FANCB: variants seen among roughly 807,000 people sequenced by gnomAD.
The protein encoded by FANCB is FA complementation group B.
FANCB carries 5 observed loss-of-function variants against 38.9 expected under a neutral mutation model. The observed-to-expected ratio is 0.13, with a 90% confidence interval of 0.07 to 0.27. The LOEUF is 0.27. Ranked by LOEUF, FANCB falls within the 10% of genes least tolerant of loss-of-function variation. The probability of loss-of-function intolerance (pLI) is 1.00; values close to 1 mark genes in which losing one functional copy is unlikely to be tolerated. For synonymous variants in FANCB, 236 were observed against 215.4 expected, an observed-to-expected ratio of 1.10 and a Z score of -0.84; for missense variants, 573 against 602.7, an observed-to-expected ratio of 0.95 and a Z score of 0.52.
At chrX:14,715,785 C>T in the FANCB span, among the ~76,000 whole-genome samples, 2 of 111,319 alleles carry the variant, frequency 1.8e-5, no homozygotes, top group African/African-American at 6.5e-5. Flanking sequence ...CATGGGGGTC[C>T]TTGAATGTCA....
At chrX:14,822,832 T>G in the FANCB span, among the ~76,000 whole-genome samples, 1 of 111,547 alleles carries the variant, frequency 9.0e-6, no homozygotes, top group East Asian at 2.8e-4. Flanking sequence ...TTTGCTTCCC[T>G]CTAATGGTTC....
At position 14,864,591 on chromosome X, in the gene FANCB, T is replaced by C; in HGVS notation, c.920A>G (p.Asn307Ser). The change falls in exon 3 of 10, where the codon AAT (asparagine) becomes AGT (serine). Residue 307 changes from asparagine (N) to serine (S), a missense_variant. Coordinates refer to ENST00000650831, the MANE Select transcript of FANCB (RefSeq NM_001018113.3). ...GCTCTCTTTCCATACAGCACAAGCA[T>C]TATTGGATATAAAGGATACAACGAA... The part of the protein sequence containing the change: ...LFFVVSFISN[N>S]ACAVWKESFQ... The C allele has an allele frequency of 1.7e-6, 2 of 1,195,949 alleles. No individual in the cohort carries two copies. Among genetic ancestry groups the C allele is most frequent in the Non-Finnish European group, 2.3e-6 (2 of 881,059 alleles).
the FANCB span, among the ~76,000 whole-genome samples, chrX:14,784,792 A>G: frequency 1.8e-5 from 2 of 112,077 alleles, no homozygotes; most frequent in Non-Finnish European, 3.8e-5. Context: ...GACTGGATAA[A>G]GAAAATGTGG....
chrX:14,790,880 G>A, the FANCB span, among the ~76,000 whole-genome samples: 7 of 111,022 alleles, frequency 6.3e-5, no homozygotes, highest in Middle Eastern at 4.2e-3. Flanking sequence ...AGTGGGGTGG[G>A]GGTTGTAGCA....
the FANCB span, among the ~76,000 whole-genome samples, chrX:14,743,662 G>C: frequency 1.9e-5 from 2 of 103,526 alleles, no homozygotes; most frequent in African/African-American, 7.1e-5. Flanking sequence ...ATGAGCTTTT[G>C]AGGTCACTGT....
At chrX:14,786,701 C>T in the FANCB span, among the ~76,000 whole-genome samples, 1 of 110,814 alleles carries the variant, frequency 9.0e-6, no homozygotes, top group Admixed American at 9.6e-5. Flanking sequence ...AGGCAAGAAG[C>T]AGATTGGGGT....
chrX:14,811,713 T>C, the FANCB span, among the ~76,000 whole-genome samples: 3 of 111,408 alleles, frequency 2.7e-5, no homozygotes, highest in African/African-American at 9.8e-5. Context: ...CATATAATAA[T>C]GGGACACTTT....
chrX:14,733,401 G>C, the FANCB span, among the ~76,000 whole-genome samples: 85 of 111,897 alleles, frequency 7.6e-4, no homozygotes, highest in Non-Finnish European at 1.3e-3. Flanking sequence ...TTCTAATTCT[G>C]TGAAGAAAGT....
chrX:14,698,615 T>C, the FANCB span, among the ~76,000 whole-genome samples: 4 of 96,681 alleles, frequency 4.1e-5, no homozygotes, highest in Non-Finnish European at 4.0e-5. Context: ...GAGGTGGAGA[T>C]TGCAGTGAGC....
the FANCB span, among the ~76,000 whole-genome samples, chrX:14,819,076 T>A: frequency 8.9e-6 from 1 of 112,508 alleles, no homozygotes; most frequent in Non-Finnish European, 1.9e-5. Flanking sequence ...AATTAACTAA[T>A]AGTAATTCAA....
At chrX:14,760,359 A>G in the FANCB span, among the ~76,000 whole-genome samples, 1 of 111,888 alleles carries the variant, frequency 8.9e-6, no homozygotes, top group Non-Finnish European at 1.9e-5. Context: ...TTGATCTCAT[A>G]GAAGTAGAGA....
At chrX:14,783,546 A>T in the FANCB span, among the ~76,000 whole-genome samples, 1 of 112,201 alleles carries the variant, frequency 8.9e-6, no homozygotes, top group Non-Finnish European at 1.9e-5. Flanking sequence ...CCATAATCAG[A>T]TTCTAGCATG....
the FANCB span, among the ~76,000 whole-genome samples, chrX:14,712,063 G>C: frequency 8.9e-6 from 1 of 112,802 alleles, no homozygotes; most frequent in Non-Finnish European, 1.9e-5. Context: ...ATGCCATCTA[G>C]CTTTCCTTCA....
chrX:14,865,637 C>T lies in FANCB; in HGVS notation c.-70-57G>A, dbSNP rs1486028020. On this transcript the variant is annotated intron_variant, in intron 2 of 9. Coordinates refer to ENST00000650831, the MANE Select transcript of FANCB (RefSeq NM_001018113.3). ...AGTAGGAAGGGTTGAAAAGAAAACACGTTTCTGTTAGAGAACTACAACATA... is the reference window on the plus strand; with the variant it reads ...AGTAGGAAGGGTTGAAAAGAAAACATGTTTCTGTTAGAGAACTACAACATA... 9.1e-5 allele frequency: 46 copies of T among 503,281 alleles called. No individual in the cohort carries two copies. In the East Asian group the frequency reaches 1.5e-3, roughly 16 times the overall value. The allele number at this position is 503,281 out of a possible 1,213,427, so 41.5% of individuals were successfully genotyped here. A position where few individuals can be genotyped will look rare whatever the true frequency, so the allele number is the denominator to read the frequency against.
At position 14,870,828 on chromosome X, in the gene FANCB, C is replaced by T. The variant is rs192102719; in HGVS notation, c.-191-1785G>A. Reference sequence around the variant, plus strand: ...GAAGAGCAGATGACATCCAAAAAGTCTAAGAAACCATATTAACTGTGACCA... The same window carrying T: ...GAAGAGCAGATGACATCCAAAAAGTTTAAGAAACCATATTAACTGTGACCA... On this transcript the variant is annotated intron_variant, in intron 1 of 9. Transcript: ENST00000650831. 2.7e-5 allele frequency among the ~76,000 whole-genome samples: 3 copies of T among 111,463 alleles called. No individual in the cohort carries two copies. The Admixed American group carries it at 2.9e-4, about 11-fold the overall frequency.
At chrX:14,782,287 A>T in the FANCB span, among the ~76,000 whole-genome samples, 1 of 112,278 alleles carries the variant, frequency 8.9e-6, no homozygotes, top group Non-Finnish European at 1.9e-5. Context: ...AGTGGGAGCT[A>T]GCACAAAAAC....
the FANCB span, among the ~76,000 whole-genome samples, chrX:14,826,632 C>T: frequency 1.8e-5 from 2 of 112,175 alleles, no homozygotes; most frequent in African/African-American, 6.5e-5. Context: ...GTTTCCTTGC[C>T]GCTTTTTCTA....
chrX:14,834,635 T>A (rs2092336297), downstream of FANCB: 1 of 594,722 alleles, frequency 1.7e-6, no homozygotes, highest in East Asian at 3.3e-5. Flanking sequence ...CAGAACTAGG[T>A]CCCTTTGGTG....
downstream of FANCB, among the ~76,000 whole-genome samples, chrX:14,832,457 C>A (rs1489777461): frequency 6.3e-5 from 7 of 111,573 alleles, no homozygotes; most frequent in Non-Finnish European, 1.3e-4. Context: ...TTCTGAAGTA[C>A]CAGGAGTTAG....
Sources: gnomAD v4.1 joint callset for allele counts (sites outside exome capture counted in the v4.1 genomes callset) on GRCh38, gnomAD v4.1.1 for gene constraint, MANE v1.5 for transcripts, NCBI Gene and HGNC (gene_info 2026-07-23, HGNC 2026-07-21) for gene names.